Variants in ERC2 observed in about 807,000 individuals in gnomAD.
ERC2 encodes ERC protein 2.
ERC2 carries 42 observed loss-of-function variants against 114.8 expected under a neutral mutation model. That is an observed-to-expected ratio of 0.37 (90% CI 0.29 to 0.47). ERC2 has a LOEUF of 0.47. ERC2 is among the 20% of genes least tolerant of loss of function. The pLI, the probability that ERC2 is intolerant of heterozygous loss-of-function variation, is 0.99. For missense variants in ERC2, 939 were observed against 1,150.7 expected (o/e 0.82, Z 2.66); for synonymous variants, 454 against 425.5 (o/e 1.07, Z -0.82).
At chr3:56,401,575 T>A (rs2060521088) in intron 2 of ERC2, among the ~76,000 whole-genome samples, 1 of 152,190 alleles carries the variant, frequency 6.6e-6, no homozygotes, top group African/African-American at 2.4e-5. Context: ...ATTTCAATGA[T>A]GTTATCATAA....
rs1461188974 is a variant in ERC2 at position 55,645,523 on chromosome 3, C to T, written c.*39+38271G>A. Among the ~76,000 whole-genome samples the T allele has an allele frequency of 2.6e-5, 4 of 152,292 alleles. No homozygotes were observed. In the South Asian group the frequency reaches 6.2e-4, roughly 24 times the overall value. On this transcript the variant is annotated intron_variant, in intron 17 of 17. Coordinates refer to ENST00000288221, the MANE Select transcript of ERC2 (RefSeq NM_015576.3). The stretch of plus-strand genomic sequence containing the variant: ...TTTGTATGTGACACAAAGCTGGCTT[C>T]CAAAATCCCTTTCATCAGCTTGATA...
At chr3:55,715,631 G>A (rs925981345) in intron 15 of ERC2, among the ~76,000 whole-genome samples, 2 of 152,006 alleles carry the variant, frequency 1.3e-5, no homozygotes, top group Non-Finnish European at 2.9e-5. Context: ...GGTATGCTGT[G>A]GGGTGTTTTT....
At chr3:55,892,244 C>T (rs2063645120) in intron 13 of ERC2, among the ~76,000 whole-genome samples, 2 of 152,186 alleles carry the variant, frequency 1.3e-5, no homozygotes, top group Admixed American at 6.5e-5. Context: ...GTGGCTCACA[C>T]CTATAATCCC....
chr3:55,745,464 T>C (rs1398823135), intron 14 of ERC2, among the ~76,000 whole-genome samples: 1 of 152,034 alleles, frequency 6.6e-6, no homozygotes, highest in South Asian at 2.1e-4. Flanking sequence ...GGAGGGTGAG[T>C]GAAATGAAGG....
chr3:55,846,505 A>G (rs2061367806), intron 14 of ERC2, among the ~76,000 whole-genome samples: 1 of 152,204 alleles, frequency 6.6e-6, no homozygotes, highest in Admixed American at 6.5e-5. Flanking sequence ...TCTTTTGGAT[A>G]TATACCCAGT....
chr3:56,289,990 C>T (rs1262723381), intron 3 of ERC2, among the ~76,000 whole-genome samples: 2 of 152,200 alleles, frequency 1.3e-5, no homozygotes, highest in Non-Finnish European at 2.9e-5. Context: ...CAGGACAATA[C>T]TTGATAATTA....
At chr3:56,013,689 T>C (rs187353317) in intron 8 of ERC2, among the ~76,000 whole-genome samples, 7 of 152,294 alleles carry the variant, frequency 4.6e-5, no homozygotes, top group African/African-American at 9.6e-5. Flanking sequence ...TTTCACCTCA[T>C]TGAGCCCATT....
At chr3:56,145,273 A>G (rs2081078398) in intron 5 of ERC2, among the ~76,000 whole-genome samples, 2 of 152,206 alleles carry the variant, frequency 1.3e-5, no homozygotes, top group Non-Finnish European at 2.9e-5. Flanking sequence ...AGGAGATCTA[A>G]GACAGCAGAT....
intron 6 of ERC2, among the ~76,000 whole-genome samples, chr3:56,124,302 T>C (rs898597230): frequency 6.6e-6 from 1 of 152,196 alleles, no homozygotes; most frequent in Non-Finnish European, 1.5e-5. Flanking sequence ...AGGCATCAGT[T>C]TGCCAGTAAA....
intron 2 of ERC2, among the ~76,000 whole-genome samples, chr3:56,307,879 G>C (rs1385483109): frequency 6.6e-6 from 1 of 151,788 alleles, no homozygotes. Flanking sequence ...CCCTCTCAAG[G>C]ACAGTTTCTA....
intron 15 of ERC2, among the ~76,000 whole-genome samples, chr3:55,714,659 G>GTATATATATATA (rs1559538570): frequency 0.019 from 1,312 of 70,808 alleles, 29 homozygotes; most frequent in Admixed American, 0.029. Flanking sequence ...GTGTGTGTGT[G>GTATATATATATA]TGTGTGTGTA....
intron 13 of ERC2, among the ~76,000 whole-genome samples, chr3:55,901,570 T>C (rs2064139823): frequency 6.6e-6 from 1 of 152,164 alleles, no homozygotes; most frequent in Admixed American, 6.5e-5. Context: ...TCACATCAAA[T>C]CCATCTCATG....
chr3:56,265,892 A>G (rs1325925396), intron 3 of ERC2, among the ~76,000 whole-genome samples: 1 of 151,348 alleles, frequency 6.6e-6, no homozygotes, highest in African/African-American at 2.4e-5. Context: ...AGCCAGGTAC[A>G]GTGGTGTGTG....
intron 2 of ERC2, among the ~76,000 whole-genome samples, chr3:56,424,448 T>C (rs1553625602): frequency 6.6e-6 from 1 of 152,226 alleles, no homozygotes; most frequent in African/African-American, 2.4e-5. Context: ...AATAAAAATC[T>C]GTAAGGCCAC....
At chr3:55,776,818 C>A (rs1559637779) in intron 14 of ERC2, among the ~76,000 whole-genome samples, 1 of 152,152 alleles carries the variant, frequency 6.6e-6, no homozygotes, top group Admixed American at 6.5e-5. Context: ...ACATAGCACC[C>A]AACATGGCAA....
At position 56,434,705 on chromosome 3, in the gene ERC2, A is replaced by G. The variant is rs749074646; in HGVS notation, c.303T>C (p.Ser101=). Residue 101 remains serine, a synonymous_variant, in exon 2 of 18, where the codon AGT becomes AGC. Coordinates refer to ENST00000288221, the MANE Select transcript of ERC2 (RefSeq NM_015576.3). ...YGGRVTAMGS[S]PNIASAGLSH... ...AAAGTCCAGCAGAAGCAATATTGGG[A>G]CTACTCCCCATGGCTGTGACACGGC... The G allele has an allele frequency of 6.2e-7, 1 of 1,613,912 alleles. No homozygotes were observed. Among genetic ancestry groups the G allele is most frequent in the East Asian group, 2.2e-5 (1 of 44,868 alleles).
chr3:55,558,645 G>A (rs1235566097), intron 17 of ERC2, among the ~76,000 whole-genome samples: 2 of 152,214 alleles, frequency 1.3e-5, no homozygotes, highest in African/African-American at 4.8e-5. Flanking sequence ...ATCCCTAACA[G>A]TTACAGAGAG....
rs1560501051 is a variant in ERC2 at position 56,273,258 on chromosome 3, CTTTCT to C, written c.1074+22756_1074+22760del. 2.3e-4 allele frequency among the ~76,000 whole-genome samples: 22 copies of C among 94,724 alleles called. 1 individual carries two copies. Among genetic ancestry groups the C allele is most frequent in the South Asian group, 3.1e-4 (1 of 3,222 alleles). The allele number at this position is 94,724 out of a possible 152,430, so 62.1% of individuals were successfully genotyped here. On this transcript the variant is annotated intron_variant, in intron 3 of 17. Coordinates refer to ENST00000288221, the MANE Select transcript of ERC2 (RefSeq NM_015576.3). ...CAAGGACACCTCCCACTTTTTTTTT[CTTTCT>C]TTTTTTTTTTTTTTTGGTGACAGGG...
At chr3:55,805,802 C>T (rs979809927) in intron 14 of ERC2, among the ~76,000 whole-genome samples, 1 of 152,158 alleles carries the variant, frequency 6.6e-6, no homozygotes, top group Non-Finnish European at 1.5e-5. Context: ...TGATACTTTC[C>T]TCCTAGTCTT....
Sources: gnomAD v4.1 joint callset for allele counts (sites outside exome capture counted in the v4.1 genomes callset) on GRCh38, gnomAD v4.1.1 for gene constraint, MANE v1.5 for transcripts, NCBI Gene and HGNC (gene_info 2026-07-23, HGNC 2026-07-21) for gene names.